Variants in LRP8 observed in about 807,000 individuals in gnomAD.
LRP8 encodes LDL receptor related protein 8.
Under a neutral mutation model 111.6 loss-of-function variants are expected in LRP8, and 46 were observed. The observed-to-expected ratio is 0.41, with a 90% CI of 0.33 to 0.53. The LOEUF (loss-of-function observed/expected upper bound fraction) is 0.53, where lower values mean the gene tolerates loss of function less well. Among genes scored for constraint, LRP8 ranks in the 20% least tolerant of loss-of-function variants. The pLI is 0.20. For missense variants in LRP8, 959 were observed against 1,297.4 expected, an observed-to-expected ratio of 0.74 and a Z score of 4.01; for synonymous variants, 464 against 511.2, an observed-to-expected ratio of 0.91 and a Z score of 1.24.
At chr1:53,272,657 C>T in intron 6 of LRP8, 9 of 1,289,422 alleles carry the variant, frequency 7.0e-6, no homozygotes, top group Non-Finnish European at 9.1e-6. Flanking sequence ...AAGAACAAGA[C>T]CACAGCAACT....
intron 3 of LRP8, among the ~76,000 whole-genome samples, chr1:53,286,243 G>A (rs1296990427): frequency 6.6e-6 from 1 of 152,210 alleles, no homozygotes; most frequent in Non-Finnish European, 1.5e-5. Context: ...GTGCAGAAGG[G>A]GGAGTTACAC....
intron 15 of LRP8, among the ~76,000 whole-genome samples, chr1:53,256,539 A>G (rs574289960): frequency 6.6e-5 from 10 of 152,376 alleles, no homozygotes; most frequent in African/African-American, 2.4e-4. Flanking sequence ...AGTTAGGAAG[A>G]TGTTGCCAAG....
chr1:53,248,343 T>C (rs1029561492), intron 18 of LRP8, among the ~76,000 whole-genome samples: 1 of 152,216 alleles, frequency 6.6e-6, no homozygotes, highest in African/African-American at 2.4e-5. Flanking sequence ...CCACTCTCTC[T>C]AAGACAGATC....
rs142885424 is a variant in LRP8, at chr1:53,300,564, T to C, written c.245-10875A>G. On this transcript the variant is annotated intron_variant, in intron 2 of 18. Transcript: ENST00000306052. ...CCCACCCTGGCCGTCAGTGCTGAGA[T>C]GAAGATCTGCGGCCCCACTGGCCAG... Among the ~76,000 whole-genome samples the C allele has an allele frequency of 2.4e-3, 368 of 152,298 alleles. 3 individuals are homozygous for C. Among genetic ancestry groups the C allele is most frequent in the African/African-American group, 8.3e-3 (344 of 41,566 alleles).
intron 5 of LRP8, 88 bp downstream of exon 5, chr1:53,276,604 A>G: frequency 9.1e-7 from 1 of 1,100,868 alleles, no homozygotes. Flanking sequence ...AGGTAAGGCA[A>G]TGAAAGGAAG....
chr1:53,290,156 G>T (rs577855136), intron 2 of LRP8, among the ~76,000 whole-genome samples: 3 of 152,282 alleles, frequency 2.0e-5, no homozygotes, highest in African/African-American at 7.2e-5. Flanking sequence ...TTCCTTTGTG[G>T]CAAGATGAAT....
chr1:53,327,730 C>A, intron 1 of LRP8, 59 bp downstream of exon 1: 1 of 1,397,332 alleles, frequency 7.2e-7, no homozygotes, highest in Non-Finnish European at 9.4e-7. Flanking sequence ...GGCCTCCCGG[C>A]CGCGCTTTGT....
At chr1:53,298,178 C>T (rs975208000) in intron 2 of LRP8, among the ~76,000 whole-genome samples, 3 of 152,196 alleles carry the variant, frequency 2.0e-5, no homozygotes, top group Admixed American at 6.5e-5. Context: ...CAGATACTGC[C>T]GGACCCTGGC....
intron 4 of LRP8, among the ~76,000 whole-genome samples, chr1:53,280,249 C>T (rs1050090542): frequency 4.6e-5 from 7 of 152,206 alleles, no homozygotes; most frequent in African/African-American, 1.7e-4. Context: ...GAGCAGATGT[C>T]AGACATGGTA....
At chr1:53,311,628 C>T (rs1467096549) in intron 2 of LRP8, among the ~76,000 whole-genome samples, 1 of 152,110 alleles carries the variant, frequency 6.6e-6, no homozygotes, top group Non-Finnish European at 1.5e-5. Flanking sequence ...CCAGCCCACC[C>T]CATCTCTCTC....
intron 8 of LRP8, among the ~76,000 whole-genome samples, chr1:53,270,374 G>A (rs1646721724): frequency 6.6e-6 from 1 of 152,202 alleles, no homozygotes; most frequent in East Asian, 1.9e-4. Context: ...TTGAGGAGGA[G>A]GGGAAGGGCA....
intron 6 of LRP8, among the ~76,000 whole-genome samples, chr1:53,272,066 C>T (rs113667621): frequency 2.6e-5 from 4 of 152,024 alleles, no homozygotes; most frequent in Admixed American, 6.5e-5. Context: ...GGATGCCCCC[C>T]CTAATGTGCT....
intron 4 of LRP8, among the ~76,000 whole-genome samples, chr1:53,278,353 C>A (rs1034926294): frequency 6.6e-6 from 1 of 152,206 alleles, no homozygotes. Flanking sequence ...CCCGGTGGGG[C>A]ACTGATGCAG....
At chr1:53,298,238 C>T (rs571286513) in intron 2 of LRP8, among the ~76,000 whole-genome samples, 27 of 152,200 alleles carry the variant, frequency 1.8e-4, no homozygotes, top group Non-Finnish European at 3.4e-4. Flanking sequence ...ATGTAGGCCT[C>T]CCTGTCACCA....
intron 2 of LRP8, among the ~76,000 whole-genome samples, chr1:53,316,279 T>C (rs1653781498): frequency 6.6e-6 from 1 of 151,864 alleles, no homozygotes. Flanking sequence ...GATGTACCAC[T>C]TGGCCCCTAC....
At chr1:53,277,340 G>A (rs760977941) in intron 4 of LRP8, among the ~76,000 whole-genome samples, 2 of 152,226 alleles carry the variant, frequency 1.3e-5, no homozygotes, top group Non-Finnish European at 2.9e-5. Flanking sequence ...GGGACTAGGA[G>A]GGGGATTCCG....
intron 2 of LRP8, among the ~76,000 whole-genome samples, chr1:53,311,162 C>T (rs900605408): frequency 2.6e-5 from 4 of 152,106 alleles, no homozygotes; most frequent in African/African-American, 9.7e-5. Context: ...ACCCCCATCA[C>T]AGCTCAGGGC....
rs1364909476 is a variant in LRP8, at chr1:53,276,929, C to G, written c.646G>C (p.Asp216His). Residue 216 changes from aspartate (D) to histidine (H), a missense_variant, in exon 5 of 19, where the codon GAT becomes CAT. Around this residue, in one of 3 missense-constraint regions of LRP8, gnomAD observed 819 missense variants for 1,097.6 expected, o/e 0.75. Coordinates refer to ENST00000306052, the MANE Select transcript of LRP8 (RefSeq NM_004631.5). ...TCCGGGATGCAGGCGCCGCCGCCAT[C>G]GCCGCCGCAGCGGAACTCGCGGGGC... ...CGPREFRCGG[D>H]GGGACIPERW... 1 of 1,447,570 alleles carries G rather than the reference C, an allele frequency of 6.9e-7. No homozygotes were observed. The highest frequency in any genetic ancestry group is 9.1e-7 in the Non-Finnish European group (1 of 1,103,086). 89.7% of individuals were successfully genotyped at this position (1,447,570 alleles called of 1,614,324 possible).
chr1:53,271,643 T>A (rs1372154339), intron 6 of LRP8, among the ~76,000 whole-genome samples: 1 of 152,136 alleles, frequency 6.6e-6, no homozygotes, highest in Non-Finnish European at 1.5e-5. Context: ...TGGAGGCAGC[T>A]AGGCCTTCCC....
Sources: gnomAD v4.1 joint callset for allele counts (sites outside exome capture counted in the v4.1 genomes callset) on GRCh38, gnomAD v4.1.1 for gene constraint, gnomAD v4.1.1 regional missense constraint, MANE v1.5 for transcripts, NCBI Gene and HGNC (gene_info 2026-07-23, HGNC 2026-07-21) for gene names.